The following OAS3 variants were observed in gnomAD, a reference collection of about 807,000 sequenced individuals.
OAS3 encodes the protein 2'-5'-oligoadenylate synthase 3.
Under a neutral mutation model 113.0 loss-of-function variants are expected in OAS3, and 107 were observed. The observed-to-expected ratio is 0.95, with a 90% CI of 0.81 to 1.11. The LOEUF is 1.11. Among genes scored for constraint, OAS3 ranks in the 50% most tolerant of loss-of-function variants. OAS3 has a pLI of 0.00. For missense variants in OAS3, 1,258 were observed against 1,389.1 expected (o/e 0.91, Z 1.50); for synonymous variants, 552 against 573.6 (o/e 0.96, Z 0.54).
At chr12:112,960,886 C>T (rs750405861) in intron 7 of OAS3, among the ~76,000 whole-genome samples, 185 bp from the exon 8 acceptor site, 11 of 152,234 alleles carry the variant, frequency 7.2e-5, no homozygotes, top group Middle Eastern at 3.4e-3. Flanking sequence ...TGAAAAGCAT[C>T]CAGTACAGAA....
At chr12:112,969,495 T>C in intron 14 of OAS3, 113 bp from the exon 15 acceptor site, 1 of 1,292,336 alleles carries the variant, frequency 7.7e-7, no homozygotes, top group Non-Finnish European at 1.1e-6. Flanking sequence ...CTCTGAGCCC[T>C]GGCTCTAGCC....
At position 112,970,240 on chromosome 12, in the gene OAS3, A is replaced by G; in HGVS notation, c.*267A>G. On this transcript the variant is annotated 3_prime_UTR_variant, in exon 16 of 16. Transcript: ENST00000228928. ...AGCCTGCGTTTGCAGCTTCTCTGTCACTTCCATGACTCTATCCTCATACCA... is the reference window on the plus strand; with the variant it reads ...AGCCTGCGTTTGCAGCTTCTCTGTCGCTTCCATGACTCTATCCTCATACCA... 1 of 558,746 alleles carries G rather than the reference A, an allele frequency of 1.8e-6. No homozygotes were observed. The highest frequency in any genetic ancestry group is 2.0e-5 in the South Asian group (1 of 49,362). 34.6% of individuals were successfully genotyped at this position (558,746 alleles called of 1,614,324 possible).
rs1389516208 is a variant in OAS3 at position 112,967,420 on chromosome 12, C to A, written c.2692C>A (p.Gln898Lys). Residue 898 changes from glutamine to lysine, a missense_variant and splice_region_variant, in exon 13 of 16, where the codon CAG (glutamine) becomes AAG (lysine). Coordinates refer to ENST00000228928, the MANE Select transcript of OAS3 (RefSeq NM_006187.4). ...GGTAACCATCTCCCCATCTCCAGGC[C>A]AGCTGGTCTCTGGCTCCAGGCCCAG... is the stretch of plus-strand genomic sequence containing the variant. Reference protein sequence around the residue: ...DVLPAFDALGQLVSGSRPSSQ... With the variant: ...DVLPAFDALGKLVSGSRPSSQ... The A allele has an allele frequency of 1.2e-6, 2 of 1,611,098 alleles. No individual in the cohort carries two copies. The highest frequency in any genetic ancestry group is 1.7e-6 in the Non-Finnish European group (2 of 1,178,554).
chr12:112,961,499 C>T (rs1304523781), intron 8 of OAS3, among the ~76,000 whole-genome samples: 1 of 152,240 alleles, frequency 6.6e-6, no homozygotes, highest in East Asian at 1.9e-4. Flanking sequence ...ATCCACTTCT[C>T]TCTTTTGACA....
chr12:112,948,819 C>T (rs7965570), intron 5 of OAS3, 42 bp from the exon 6 acceptor site: 368,588 of 1,463,472 alleles, frequency 0.25, 48,227 homozygotes, highest in Admixed American at 0.3. Context: ...GATGCAGAAA[C>T]CACTGCGCCT....
rs1283831667 is a variant in OAS3 at position 112,954,468 on chromosome 12, T to A, written c.1657+3493T>A. 6.6e-6 allele frequency among the ~76,000 whole-genome samples: 1 copy of A among 152,086 alleles called. No homozygotes were observed. The highest frequency in any genetic ancestry group is 1.5e-5 in the Non-Finnish European group (1 of 67,996). On this transcript the variant is annotated intron_variant, in intron 7 of 15. Transcript: ENST00000228928. The surrounding 1 kb of genome is among the most constrained non-coding windows in gnomAD (Gnocchi z 4.0). The stretch of plus-strand genomic sequence containing the variant: ...ACCACATCTGGCTAATTTTTTTGTA[T>A]TTTTTAGTAGAGACAGACAGGGTTT...
intron 8 of OAS3, 119 bp downstream of exon 8, chr12:112,961,365 C>T (rs1430922247): frequency 1.1e-6 from 1 of 932,154 alleles, no homozygotes; most frequent in African/African-American, 1.7e-5. Flanking sequence ...TCATCCAGAG[C>T]AGAAGGACCG....
At chr12:112,967,259 C>G (rs542605082) in intron 12 of OAS3, among the ~76,000 whole-genome samples, 159 bp from the exon 13 acceptor site, 1 of 152,344 alleles carries the variant, frequency 6.6e-6, no homozygotes, top group East Asian at 1.9e-4. Context: ...CAGGCCACAT[C>G]TGTGTTCCAC....
chr12:112,963,493 C>T lies in OAS3; in HGVS notation c.2229+36C>T, dbSNP rs1379312831. 1.4e-6 allele frequency: 2 copies of T among 1,456,980 alleles called. No homozygotes were observed. The highest frequency in any genetic ancestry group is 2.6e-5 in the Admixed American group (1 of 38,566). 90.3% of individuals were successfully genotyped at this position (1,456,980 alleles called of 1,614,324 possible). Reference sequence around the variant, plus strand: ...GGGTCCTGGGGGGCAGGGGGCCCTGCACCCTGCCTTCTAGTCAGGTTCCCT... The same window carrying T: ...GGGTCCTGGGGGGCAGGGGGCCCTGTACCCTGCCTTCTAGTCAGGTTCCCT... On this transcript the variant is annotated intron_variant, in intron 10 of 15. Coordinates refer to ENST00000228928, the MANE Select transcript of OAS3 (RefSeq NM_006187.4). This position sits in a 1 kb window ranked among gnomAD's most constrained non-coding sequence, Gnocchi z 4.6.
chr12:112,961,778 C>T (rs2043889259), intron 8 of OAS3, among the ~76,000 whole-genome samples: 1 of 151,922 alleles, frequency 6.6e-6, no homozygotes, highest in Non-Finnish European at 1.5e-5. Flanking sequence ...TGGGTTACAT[C>T]AGCCAATACA....
chr12:112,944,060 C>A (rs1019439495), intron 2 of OAS3, among the ~76,000 whole-genome samples: 1 of 152,160 alleles, frequency 6.6e-6, no homozygotes, highest in African/African-American at 2.4e-5. Flanking sequence ...TCTTGGGCAT[C>A]GTTTTCCTCT....
chr12:112,956,012 G>A (rs1407171936), intron 7 of OAS3, among the ~76,000 whole-genome samples: 1 of 152,158 alleles, frequency 6.6e-6, no homozygotes, highest in African/African-American at 2.4e-5. Flanking sequence ...CTCAATTTCA[G>A]AGTCTGTTAT....
At chr12:112,951,136 A>C (rs2043787784) in intron 7 of OAS3, among the ~76,000 whole-genome samples, 161 bp downstream of exon 7, 1 of 152,194 alleles carries the variant, frequency 6.6e-6, no homozygotes, top group Non-Finnish European at 1.5e-5. Context: ...CAAATCTTAC[A>C]ACTATTTAGT....
chr12:112,950,863 G>A lies in OAS3; in HGVS notation c.1545G>A (p.Leu515=). 1.2e-6 allele frequency: 2 copies of A among 1,614,050 alleles called. No individual in the cohort carries two copies. The highest frequency in any genetic ancestry group is 1.7e-6 in the Non-Finnish European group (2 of 1,179,896). The change falls in exon 7 of 16, where the codon CTG becomes CTA. Residue 515 remains leucine (L), a synonymous_variant. Transcript: ENST00000228928. ...ESWWQDQVPS[L]SLQFPEQNVP... ...GGTGGCAGGACCAGGTGCCCAGCCT[G>A]AGCCTTCAGTTTCCTGAGCAGAATG...
At chr12:112,957,115 CT>C (rs1593180903) in intron 7 of OAS3, among the ~76,000 whole-genome samples, 1 of 152,106 alleles carries the variant, frequency 6.6e-6, no homozygotes, top group East Asian at 1.9e-4. Context: ...CTCTTTTGAT[CT>C]TTGTTGGTTT....
Position 112,950,994 on chromosome 12 carries a change from T to G in OAS3, c.1657+19T>G, listed in dbSNP as rs2043786789. On this transcript the variant is annotated intron_variant, in intron 7 of 15. Coordinates refer to ENST00000228928, the MANE Select transcript of OAS3 (RefSeq NM_006187.4). ...GCTGTGGGTGAGGGCGCCCAGCCTG[T>G]CCCTTGGAGAGTGATAGGGACCTCA... The G allele has an allele frequency of 2.5e-6, 4 of 1,606,654 alleles. No individual in the cohort carries two copies. The highest frequency in any genetic ancestry group is 2.6e-6 in the Non-Finnish European group (3 of 1,175,910).
At chr12:112,960,544 G>T (rs985860227) in intron 7 of OAS3, among the ~76,000 whole-genome samples, 1 of 152,084 alleles carries the variant, frequency 6.6e-6, no homozygotes, top group African/African-American at 2.4e-5. Flanking sequence ...AATAATTACT[G>T]CTTATTGAGC....
Position 112,948,048 on chromosome 12 carries a change from C to T in OAS3, c.978C>T (p.His326=), listed in dbSNP as rs774562321. 5 of 1,588,332 alleles carry T rather than the reference C, an allele frequency of 3.1e-6. No homozygotes were observed. In the African/African-American group the frequency reaches 6.8e-5, roughly 22 times the overall value. Residue 326 remains histidine (H), a synonymous_variant, in exon 5 of 16, where the codon CAC becomes CAT. Coordinates refer to ENST00000228928, the MANE Select transcript of OAS3 (RefSeq NM_006187.4). The part of the protein sequence containing the change: ...LAQEAASCYD[H]PCFLRGMGDP... Reference sequence around the variant, plus strand: ...AGGAGGCAGCATCCTGCTATGACCACCCATGCTTTCTGAGGGGGATGGGGG... The same window carrying T: ...AGGAGGCAGCATCCTGCTATGACCATCCATGCTTTCTGAGGGGGATGGGGG...
In OAS3 at chr12:112,941,793, C is replaced by T. The variant is rs200010016; in HGVS notation, c.401C>T (p.Thr134Ile). ...SVPGALQFRL[T>I]SVDLEDWMDV... ...CCTGGGGCCCTGCAGTTCCGCCTGA[C>T]ATCCGTAGATCTTGAGGACTGGATG... Residue 134 changes from threonine (T) to isoleucine (I), a missense_variant, in exon 2 of 16, where the codon ACA becomes ATA. Physicochemically the swap from Thr to Ile is moderately conservative, Grantham distance 89 (BLOSUM62 -1). Coordinates refer to ENST00000228928, the MANE Select transcript of OAS3 (RefSeq NM_006187.4). 1.3e-4 allele frequency: 209 copies of T among 1,614,042 alleles called. No individual in the cohort carries two copies. The African/African-American group carries it at 2.4e-3, about 18-fold the overall frequency.
Sources: allele counts gnomAD v4.1 joint callset (sites outside exome capture counted in the v4.1 genomes callset), GRCh38; gene constraint gnomAD v4.1.1; non-coding constraint Gnocchi (gnomAD v3.1); transcripts MANE v1.5; gene names NCBI Gene and HGNC (gene_info 2026-07-23, HGNC 2026-07-21).